PTPRN2: variants seen among roughly 807,000 people sequenced by gnomAD.
PTPRN2 encodes the protein receptor-type tyrosine-protein phosphatase N2.
A neutral mutation model predicts 118.8 loss-of-function variants in PTPRN2; 74 were observed. The observed-to-expected ratio is 0.62, with a 90% CI of 0.52 to 0.76. The LOEUF is 0.76. Ranked by LOEUF, PTPRN2 falls within the 30% of genes least tolerant of loss-of-function variation. PTPRN2 has a pLI of 0.00. For synonymous variants in PTPRN2, 641 were observed against 608.0 expected (o/e 1.05, Z -0.80); for missense variants, 1,481 against 1,394.4 (o/e 1.06, Z -0.99).
At chr7:158,499,785 ATG>A (rs760084326) in intron 1 of PTPRN2, among the ~76,000 whole-genome samples, 258 of 143,160 alleles carry the variant, frequency 1.8e-3, no homozygotes, top group South Asian at 3.4e-3. Flanking sequence ...ATATGTGTGT[ATG>A]TGTGTGTGTG....
chr7:158,471,549 G>GT (rs1819851713), intron 2 of PTPRN2, among the ~76,000 whole-genome samples: 1 of 152,146 alleles, frequency 6.6e-6, no homozygotes, highest in Admixed American at 6.5e-5. Flanking sequence ...TTAGCTGGGT[G>GT]TGGTGGCAGG....
At chr7:158,134,516 C>T (rs1204518696) in intron 8 of PTPRN2, among the ~76,000 whole-genome samples, 6 of 152,164 alleles carry the variant, frequency 3.9e-5, no homozygotes, top group Non-Finnish European at 7.3e-5. Context: ...GTACTAAATG[C>T]GTTATCTGCA....
Position 157,784,652 on chromosome 7 carries a change from C to T in PTPRN2, c.1789-101715G>A, listed in dbSNP as rs550823895. Among the ~76,000 whole-genome samples the T allele has an allele frequency of 1.0e-4, 12 of 120,106 alleles. No homozygotes were observed. The South Asian group carries it at 3.2e-3, about 32-fold the overall frequency. The allele number at this position is 120,106 out of a possible 152,430, so 78.8% of individuals were successfully genotyped here. A position where few individuals can be genotyped will look rare whatever the true frequency, so the allele number is the denominator to read the frequency against. The stretch of plus-strand genomic sequence containing the variant: ...GAAACGGGCAGGGGCTGGGCTGATC[C>T]CGTATGAAACGGGCAGGGGCTGGGC... On this transcript the variant is annotated intron_variant, in intron 12 of 22. Transcript: ENST00000389418. This position sits in a 1 kb window ranked among gnomAD's most constrained non-coding sequence, Gnocchi z 4.6.
At chr7:157,659,227 C>G (rs916783604) in intron 13 of PTPRN2, among the ~76,000 whole-genome samples, 5 of 150,668 alleles carry the variant, frequency 3.3e-5, no homozygotes, top group Non-Finnish European at 5.9e-5. Context: ...CCCCCACTCT[C>G]CAGGAGCCTG....
chr7:157,730,365 C>T (rs919532942), intron 12 of PTPRN2, among the ~76,000 whole-genome samples: 3 of 152,180 alleles, frequency 2.0e-5, no homozygotes, highest in Admixed American at 6.5e-5. Flanking sequence ...TCTAGAAAAA[C>T]GAGGATGAGG....
rs1209851211 is a variant in PTPRN2 at position 158,570,612 on chromosome 7, A to G, written c.112+16946T>C. Among the ~76,000 whole-genome samples, 3 of 152,120 alleles carry G rather than the reference A, an allele frequency of 2.0e-5. No homozygotes were observed. Among genetic ancestry groups the G allele is most frequent in the African/African-American group, 7.2e-5 (3 of 41,426 alleles). ...GGCCTGCTAGCCCGCTCTCCCACAC[A>G]GTCTCCTTGATGTGAAGTGTCACCC... On this transcript the variant is annotated intron_variant, in intron 1 of 22. Coordinates refer to ENST00000389418, the MANE Select transcript of PTPRN2 (RefSeq NM_002847.5). The surrounding 1 kb of genome is among the most constrained non-coding windows in gnomAD (Gnocchi z 4.5).
At chr7:158,331,421 G>C (rs1185255671) in intron 2 of PTPRN2, among the ~76,000 whole-genome samples, 1 of 145,630 alleles carries the variant, frequency 6.9e-6, no homozygotes, top group Non-Finnish European at 1.5e-5. Context: ...GAGGCCCACA[G>C]AGGTCACTCA....
intron 11 of PTPRN2, among the ~76,000 whole-genome samples, chr7:157,945,189 TC>T (rs1800393885): frequency 6.6e-6 from 1 of 152,058 alleles, no homozygotes; most frequent in Admixed American, 6.5e-5. Context: ...CAGGGCTGAC[TC>T]CTCCCTCCCC....
At chr7:158,463,004 CAG>C (rs56876188) in intron 2 of PTPRN2, among the ~76,000 whole-genome samples, 3 of 151,558 alleles carry the variant, frequency 2.0e-5, no homozygotes, top group Non-Finnish European at 2.9e-5. Context: ...GATTTGAACT[CAG>C]ATCATTAGTT....
At chr7:157,850,705 T>C (rs774621935) in intron 12 of PTPRN2, among the ~76,000 whole-genome samples, 1 of 152,204 alleles carries the variant, frequency 6.6e-6, no homozygotes, top group Non-Finnish European at 1.5e-5. Context: ...TAGCCTGGGA[T>C]TCCAGGTTCC....
chr7:157,829,952 C>A (rs1281802515), intron 12 of PTPRN2, among the ~76,000 whole-genome samples: 1 of 152,232 alleles, frequency 6.6e-6, no homozygotes, highest in Non-Finnish European at 1.5e-5. Flanking sequence ...GGCCGTGCTT[C>A]TAGCTGCACT....
chr7:157,784,683 C>T lies in PTPRN2; in HGVS notation c.1789-101746G>A, dbSNP rs1296998329. Among the ~76,000 whole-genome samples, 1 of 145,894 alleles carries T rather than the reference C, an allele frequency of 6.9e-6. No individual in the cohort carries two copies. The highest frequency in any genetic ancestry group is 1.5e-5 in the Non-Finnish European group (1 of 65,456). ...GAAACGGGCAGGGGCTGGGCTGATC[C>T]CGTATGAAACGGGCAGGGGCTGAGC... On this transcript the variant is annotated intron_variant, in intron 12 of 22. Transcript: ENST00000389418. This position sits in a 1 kb window ranked among gnomAD's most constrained non-coding sequence, Gnocchi z 4.6.
chr7:157,962,410 T>A (rs1459437363), intron 11 of PTPRN2, among the ~76,000 whole-genome samples: 2 of 152,172 alleles, frequency 1.3e-5, no homozygotes, highest in Non-Finnish European at 2.9e-5. Context: ...CTTTAATGCA[T>A]ATGTTCAGAT....
At chr7:157,937,563 G>A (rs975447823) in intron 11 of PTPRN2, among the ~76,000 whole-genome samples, 5 of 152,184 alleles carry the variant, frequency 3.3e-5, no homozygotes, top group Admixed American at 1.3e-4. Context: ...TAGCGCTCCC[G>A]AGTGCGGCCG....
At chr7:158,096,845 C>G (rs1414141278) in intron 10 of PTPRN2, among the ~76,000 whole-genome samples, 1 of 152,234 alleles carries the variant, frequency 6.6e-6, no homozygotes, top group African/African-American at 2.4e-5. Flanking sequence ...CATCCAGATG[C>G]AAATGCCATT....
At chr7:158,266,913 C>G (rs1797921821) in intron 3 of PTPRN2, among the ~76,000 whole-genome samples, 1 of 152,190 alleles carries the variant, frequency 6.6e-6, no homozygotes, top group Non-Finnish European at 1.5e-5. Flanking sequence ...GTGGGGCCGG[C>G]CTTCAGGGGT....
intron 11 of PTPRN2, among the ~76,000 whole-genome samples, chr7:158,062,489 A>G (rs1275459254): frequency 1.3e-5 from 2 of 152,192 alleles, no homozygotes; most frequent in Non-Finnish European, 2.9e-5. Context: ...GGAGCCCTTC[A>G]GCTCACTGCT....
intron 12 of PTPRN2, among the ~76,000 whole-genome samples, chr7:157,873,127 C>G (rs977982150): frequency 3.3e-5 from 5 of 152,224 alleles, no homozygotes; most frequent in Non-Finnish European, 7.3e-5. Context: ...GCACTGAGAC[C>G]TCTGCCTCAT....
In PTPRN2 at chr7:157,576,739, AG is replaced by A. The variant is rs1452255972; in HGVS notation, c.2656del (p.Leu886TrpfsTer2). ...VSEHIWCEDF[L>X]VRSFYLKNLQ... ...GTTCTTCAGATAGAAGCTCCTCACC[AG>A]GAAGTCCTCACACCAGATGTGCTCG... is the stretch of plus-strand genomic sequence containing the variant. On this transcript the variant is annotated frameshift_variant, in exon 19 of 23. Coordinates refer to ENST00000389418, the MANE Select transcript of PTPRN2 (RefSeq NM_002847.5). LOFTEE classifies it high-confidence loss of function. The A allele has an allele frequency of 6.2e-7, 1 of 1,609,142 alleles. No homozygotes were observed. The highest frequency in any genetic ancestry group is 1.1e-5 in the South Asian group (1 of 90,022).
Sources: gnomAD v4.1 joint callset for allele counts (sites outside exome capture counted in the v4.1 genomes callset) on GRCh38, gnomAD v4.1.1 for gene constraint, Gnocchi (gnomAD v3.1) non-coding constraint, MANE v1.5 for transcripts, NCBI Gene and HGNC (gene_info 2026-07-23, HGNC 2026-07-21) for gene names.